Variants in PTPRQ observed in about 807,000 individuals in gnomAD.
PTPRQ encodes the protein protein tyrosine phosphatase receptor type Q, also known as phosphatidylinositol phosphatase PTPRQ.
A neutral mutation model predicts 246.0 loss-of-function variants in PTPRQ; 199 were observed. The ratio of observed to expected loss-of-function variants is 0.81; its 90% CI spans 0.72 to 0.91. PTPRQ has a LOEUF of 0.91. Ranked by LOEUF, PTPRQ falls within the 40% of genes least tolerant of loss-of-function variation. The pLI is 0.00. For missense variants in PTPRQ, 2,624 were observed against 2,528.4 expected, an observed-to-expected ratio of 1.04 and a Z score of -0.81; for synonymous variants, 869 against 853.2, an observed-to-expected ratio of 1.02 and a Z score of -0.32.
At chr12:80,652,145 G>A (rs1225455996) in intron 37 of PTPRQ, among the ~76,000 whole-genome samples, 2 of 152,054 alleles carry the variant, frequency 1.3e-5, no homozygotes, top group Non-Finnish European at 2.9e-5. Flanking sequence ...GCTTTGCCAA[G>A]AGCAAGGTAG....
chr12:80,495,180 C>A lies in PTPRQ; in HGVS notation c.1703-12C>A. ...CTTTTTTTTCATTCATATGTTCATTCTTCTTTTTAAGTGCCAAGCTCCATT... is the reference window on the plus strand; with the variant it reads ...CTTTTTTTTCATTCATATGTTCATTATTCTTTTTAAGTGCCAAGCTCCATT... On this transcript the variant is annotated splice_polypyrimidine_tract_variant and intron_variant, in intron 11 of 44. Coordinates refer to ENST00000644991, the MANE Select transcript of PTPRQ (RefSeq NM_001145026.2). 1 of 1,544,206 alleles carries A rather than the reference C, an allele frequency of 6.5e-7. No individual in the cohort carries two copies.
chr12:80,632,270 C>G lies in PTPRQ; in HGVS notation c.5765C>G (p.Thr1922Arg), dbSNP rs553385793. ...ATCCTTTCAATAATTCTCCTTGGAACAGCTATTTTTGCATTTGCAAGGTAA... is the reference window on the plus strand; with the variant it reads ...ATCCTTTCAATAATTCTCCTTGGAAGAGCTATTTTTGCATTTGCAAGGTAA... ...LCILSIILLG[T>R]AIFAFARIRQ... The change falls in exon 34 of 45, where the codon ACA becomes AGA. Residue 1922 changes from threonine to arginine, a missense_variant. Transcript: ENST00000644991. 1 of 1,551,216 alleles carries G rather than the reference C, an allele frequency of 6.4e-7. No homozygotes were observed. Among genetic ancestry groups the G allele is most frequent in the East Asian group, 2.4e-5 (1 of 40,820 alleles).
At chr12:80,602,011 C>G (rs562475802) in intron 26 of PTPRQ, among the ~76,000 whole-genome samples, 1 of 151,810 alleles carries the variant, frequency 6.6e-6, no homozygotes, top group South Asian at 2.1e-4. Flanking sequence ...CATCTCTTAG[C>G]TCATCAAATC....
intron 25 of PTPRQ, among the ~76,000 whole-genome samples, chr12:80,571,517 C>T (rs1482630785): frequency 1.3e-5 from 2 of 152,174 alleles, no homozygotes; most frequent in East Asian, 3.9e-4. Flanking sequence ...TTAATGGCAC[C>T]TGTGCATAAT....
At chr12:80,566,524 A>C (rs894252530) in intron 25 of PTPRQ, among the ~76,000 whole-genome samples, 1 of 152,092 alleles carries the variant, frequency 6.6e-6, no homozygotes, top group Admixed American at 6.6e-5. Flanking sequence ...AATTAAAATA[A>C]CGCTACTTTT....
intron 26 of PTPRQ, among the ~76,000 whole-genome samples, chr12:80,591,275 G>T (rs1481842206): frequency 1.3e-5 from 2 of 151,610 alleles, no homozygotes; most frequent in African/African-American, 2.4e-5. Context: ...ACAGGCACAC[G>T]CCACTGTGAC....
intron 9 of PTPRQ, among the ~76,000 whole-genome samples, chr12:80,492,494 G>A (rs759507301): frequency 3.3e-5 from 5 of 151,830 alleles, no homozygotes; most frequent in Non-Finnish European, 5.9e-5. Flanking sequence ...ATATTATTTG[G>A]CCATAACACC....
intron 28 of PTPRQ, 107 bp from the exon 29 acceptor site, chr12:80,613,485 T>A: frequency 2.5e-6 from 3 of 1,187,132 alleles, no homozygotes; most frequent in Non-Finnish European, 3.5e-6. Context: ...TATGGTTTAA[T>A]TTGTGGAATA....
At chr12:80,509,848 T>C (rs183491922) in intron 16 of PTPRQ, among the ~76,000 whole-genome samples, 93 of 152,238 alleles carry the variant, frequency 6.1e-4, no homozygotes, top group Non-Finnish European at 1.9e-4. Context: ...TTGAGGAATG[T>C]AGTTTTCATC....
At chr12:80,566,508 A>C (rs1047653180) in intron 25 of PTPRQ, among the ~76,000 whole-genome samples, 8 of 152,112 alleles carry the variant, frequency 5.3e-5, no homozygotes, top group African/African-American at 1.9e-4. Flanking sequence ...AAATAGGTTC[A>C]TTACTAATTA....
chr12:80,658,495 T>C (rs1047708471), intron 39 of PTPRQ, among the ~76,000 whole-genome samples: 39 of 152,162 alleles, frequency 2.6e-4, no homozygotes, highest in Middle Eastern at 3.4e-3. Flanking sequence ...ATCACCATCA[T>C]AGGTACATTG....
At chr12:80,590,666 C>CAAAAAAAA (rs35640802) in intron 26 of PTPRQ, among the ~76,000 whole-genome samples, 2 of 57,826 alleles carry the variant, frequency 3.5e-5, no homozygotes, top group African/African-American at 5.4e-5. Flanking sequence ...GACTCCGTCT[C>CAAAAAAAA]AAAAAAAAAA....
chr12:80,641,230 G>T lies in PTPRQ; in HGVS notation c.5915+6157G>T, dbSNP rs188034469. Among the ~76,000 whole-genome samples the T allele has an allele frequency of 3.4e-3, 516 of 152,276 alleles. 3 individuals are homozygous for T. The highest frequency in any genetic ancestry group is 5.8e-3 in the Non-Finnish European group (392 of 68,024). ...GCACAAACATTTTTTGTTACATTCTGAGAGTAGCATAGCAGAATATCAGCA... is the reference window on the plus strand; with the variant it reads ...GCACAAACATTTTTTGTTACATTCTTAGAGTAGCATAGCAGAATATCAGCA... On this transcript the variant is annotated intron_variant, in intron 35 of 44. Transcript: ENST00000644991.
chr12:80,652,627 G>T, intron 37 of PTPRQ, 117 bp from the exon 38 acceptor site: 2 of 983,720 alleles, frequency 2.0e-6, no homozygotes, highest in South Asian at 5.2e-5. Context: ...AGTTATGATA[G>T]GTGTTTTTAA....
At chr12:80,602,609 T>G (rs1336790714) in intron 26 of PTPRQ, among the ~76,000 whole-genome samples, 2 of 151,752 alleles carry the variant, frequency 1.3e-5, no homozygotes, top group African/African-American at 2.4e-5. Context: ...GAAGCCTGTC[T>G]TATAAGGACC....
intron 17 of PTPRQ, among the ~76,000 whole-genome samples, chr12:80,524,076 C>T (rs1012407862): frequency 4.6e-5 from 7 of 152,026 alleles, no homozygotes; most frequent in African/African-American, 7.2e-5. Flanking sequence ...TATTTAGGAT[C>T]GATAGCTCTT....
intron 29 of PTPRQ, among the ~76,000 whole-genome samples, chr12:80,614,075 C>T (rs758770339): frequency 2.0e-5 from 3 of 149,470 alleles, no homozygotes; most frequent in Non-Finnish European, 4.5e-5. Context: ...ATAGTAGAAA[C>T]TCAGACATAA....
chr12:80,455,553 T>G (rs1248523945), intron 3 of PTPRQ, among the ~76,000 whole-genome samples: 1 of 151,874 alleles, frequency 6.6e-6, no homozygotes, highest in African/African-American at 2.4e-5. Flanking sequence ...CATTTACTAT[T>G]TCTTTTGCAT....
intron 35 of PTPRQ, among the ~76,000 whole-genome samples, chr12:80,637,976 C>A (rs925035773): frequency 7.9e-5 from 12 of 151,984 alleles, no homozygotes; most frequent in African/African-American, 2.4e-4. Flanking sequence ...TTAAATCTAC[C>A]CAGCTAATAG....
Sources: gnomAD v4.1 joint callset for allele counts (sites outside exome capture counted in the v4.1 genomes callset) on GRCh38, gnomAD v4.1.1 for gene constraint, MANE v1.5 for transcripts, NCBI Gene and HGNC (gene_info 2026-07-23, HGNC 2026-07-21) for gene names.